The following TNIP3 variants were observed in gnomAD, a reference collection of about 807,000 sequenced individuals.
TNIP3 encodes TNFAIP3 interacting protein 3.
Under a neutral mutation model 54.1 loss-of-function variants are expected in TNIP3, and 34 were observed. The observed-to-expected ratio is 0.63, with a 90% CI of 0.48 to 0.84. TNIP3 has a LOEUF of 0.84. Among genes scored for constraint, TNIP3 ranks in the 40% least tolerant of loss-of-function variants. The pLI, the probability that TNIP3 is intolerant of heterozygous loss-of-function variation, is 0.00. For missense variants in TNIP3, 366 were observed against 387.6 expected, an observed-to-expected ratio of 0.94 and a Z score of 0.47; for synonymous variants, 134 against 136.8, an observed-to-expected ratio of 0.98 and a Z score of 0.14.
In TNIP3 at chr4:121,184,151, A is replaced by G. The variant is rs1724873856; in HGVS notation, c.69-1355T>C. 3.3e-5 allele frequency among the ~76,000 whole-genome samples: 5 copies of G among 152,030 alleles called. 1 individual carries two copies. The highest frequency in any genetic ancestry group is 3.3e-4 in the Admixed American group (5 of 15,256). The stretch of plus-strand genomic sequence containing the variant: ...TTTTTTTTTCTTTCTCTCTCTCTAC[A>G]TATGTATATTTTTTTGCCTGACTCA... On this transcript the variant is annotated intron_variant, in intron 2 of 12. Transcript: ENST00000507879.
chr4:121,165,990 T>C (rs749436238), upstream of TNIP3, among the ~76,000 whole-genome samples: 2 of 152,232 alleles, frequency 1.3e-5, no homozygotes, highest in South Asian at 2.1e-4. Context: ...TAGTTTTATA[T>C]AGTGTAAGGT....
intron 3 of TNIP3, among the ~76,000 whole-genome samples, chr4:121,180,335 G>A (rs1464075248): frequency 6.6e-6 from 1 of 152,136 alleles, no homozygotes; most frequent in Non-Finnish European, 1.5e-5. Context: ...AGGAGGCGCA[G>A]CTTGCAGTGA....
At position 121,157,247 on chromosome 4, in the gene TNIP3, A is replaced by C. The variant is rs1730171210; in HGVS notation, c.214-4T>G. ...GTTTCGTCTTCAGCTCTGCTACCTG[A>C]GGAGGTCGTTCAAAGACAGCTGCAG... On this transcript the variant is annotated splice_region_variant and splice_polypyrimidine_tract_variant and intron_variant, in intron 3 of 10. Coordinates refer to ENST00000057513, the MANE Select transcript of TNIP3 (RefSeq NM_024873.6). 7 of 1,613,988 alleles carry C rather than the reference A, an allele frequency of 4.3e-6. No homozygotes were observed. Among genetic ancestry groups the C allele is most frequent in the Non-Finnish European group, 5.9e-6 (7 of 1,179,992 alleles).
chr4:121,140,076 C>A lies in TNIP3; in HGVS notation c.886-1392G>T, dbSNP rs559055764. ...TCTGGCCAGGCGCAGTGGCTCATGC[C>A]TGTAATCTCAGCACTTTGGGAGGCC... On this transcript the variant is annotated intron_variant, in intron 9 of 10. Transcript: ENST00000057513. 2.0e-5 allele frequency among the ~76,000 whole-genome samples: 3 copies of A among 152,214 alleles called. No individual in the cohort carries two copies. The East Asian group carries it at 5.8e-4, about 29-fold the overall frequency.
intron 2 of TNIP3, among the ~76,000 whole-genome samples, chr4:121,196,876 TG>T (rs765032237): frequency 2.0e-5 from 3 of 152,084 alleles, no homozygotes; most frequent in Non-Finnish European, 4.4e-5. Context: ...AGATACATAC[TG>T]TTTTATATTT....
At chr4:121,141,574 T>C (rs753699820) in intron 9 of TNIP3, among the ~76,000 whole-genome samples, 5 of 152,188 alleles carry the variant, frequency 3.3e-5, no homozygotes, top group Non-Finnish European at 5.9e-5. Flanking sequence ...TTATATGTTG[T>C]TCAAGGAATT....
intron 2 of TNIP3, among the ~76,000 whole-genome samples, chr4:121,185,398 C>T (rs988853369): frequency 3.3e-5 from 5 of 152,214 alleles, no homozygotes; most frequent in African/African-American, 7.2e-5. Flanking sequence ...GATTTCTGAG[C>T]CCCATCACTA....
At chr4:121,184,107 A>C (rs975557348) in intron 2 of TNIP3, among the ~76,000 whole-genome samples, 4 of 151,372 alleles carry the variant, frequency 2.6e-5, no homozygotes, top group Non-Finnish European at 4.4e-5. Context: ...TCACAAGGAA[A>C]AATGCATTAA....
At chr4:121,215,754 T>C (rs1726754558) in intron 2 of TNIP3, among the ~76,000 whole-genome samples, 1 of 151,986 alleles carries the variant, frequency 6.6e-6, no homozygotes, top group Non-Finnish European at 1.5e-5. Flanking sequence ...TCCTACCATA[T>C]ATGATGCTTA....
At chr4:121,205,921 C>T (rs997593322) in intron 2 of TNIP3, among the ~76,000 whole-genome samples, 11 of 152,028 alleles carry the variant, frequency 7.2e-5, no homozygotes, top group African/African-American at 1.9e-4. Context: ...ACAATCATGG[C>T]GGAAGGCGAA....
At chr4:121,161,100 T>C in intron 2 of TNIP3, 36 bp downstream of exon 2, 2 of 1,442,286 alleles carry the variant, frequency 1.4e-6, no homozygotes, top group Non-Finnish European at 1.9e-6. Context: ...CATTAATCCA[T>C]GGCACCTGTG....
At chr4:121,169,733 AC>A (rs1347614148) in intron 3 of TNIP3, among the ~76,000 whole-genome samples, 1 of 152,042 alleles carries the variant, frequency 6.6e-6, no homozygotes, top group Non-Finnish European at 1.5e-5. Flanking sequence ...CTAGTAAATC[AC>A]CTCTCTTTGA....
In TNIP3 at chr4:121,139,402, C is replaced by T. The variant is rs144196895; in HGVS notation, c.886-718G>A. Among the ~76,000 whole-genome samples, 35 of 152,286 alleles carry T rather than the reference C, an allele frequency of 2.3e-4. No individual in the cohort carries two copies. The East Asian group carries it at 6.0e-3, about 26-fold the overall frequency. On this transcript the variant is annotated intron_variant, in intron 9 of 10. Coordinates refer to ENST00000057513, the MANE Select transcript of TNIP3 (RefSeq NM_024873.6). ...CATCAAGATATCTCCAAGGCCAGCA[C>T]CTCTGTATTTAACGCTTAGGAATGG...
At position 121,156,745 on chromosome 4, in the gene TNIP3, T is replaced by TA. The variant is rs549285069; in HGVS notation, c.363+348dup. On this transcript the variant is annotated intron_variant, in intron 4 of 10. Coordinates refer to ENST00000057513, the MANE Select transcript of TNIP3 (RefSeq NM_024873.6). ...GAACACTACTAATAAAAATAATAAA[T>TA]ACGAATAAAAGCAAAAGAAAAAAAA... 3.7e-4 allele frequency among the ~76,000 whole-genome samples: 57 copies of TA among 152,158 alleles called. No homozygotes were observed. In the East Asian group the frequency reaches 7.5e-3, roughly 20 times the overall value.
At chr4:121,205,609 C>T (rs1726137480) in intron 2 of TNIP3, among the ~76,000 whole-genome samples, 1 of 151,726 alleles carries the variant, frequency 6.6e-6, no homozygotes, top group African/African-American at 2.4e-5. Context: ...ATTATGCAGG[C>T]TAGGGATGCT....
Position 121,157,083 on chromosome 4 carries a change from G to GC in TNIP3, c.363+10dup, listed in dbSNP as rs1730149590. 6.2e-7 allele frequency: 1 copy of GC among 1,613,540 alleles called. No individual in the cohort carries two copies. The highest frequency in any genetic ancestry group is 1.7e-5 in the Admixed American group (1 of 59,980). ...GGATCCTCCGGGCTCGAGGACCCGG[G>GC]CCCCGCCCACCTCCTCCCGCTGCAG... On this transcript the variant is annotated intron_variant, in intron 4 of 10. Transcript: ENST00000057513.
chr4:121,193,849 A>G (rs1396042843), intron 2 of TNIP3, among the ~76,000 whole-genome samples: 3 of 152,162 alleles, frequency 2.0e-5, no homozygotes, highest in Non-Finnish European at 4.4e-5. Flanking sequence ...AGATTATACA[A>G]CCTGAATCTA....
intron 1 of TNIP3, among the ~76,000 whole-genome samples, chr4:121,226,852 C>T (rs1473799662): frequency 1.3e-5 from 2 of 152,112 alleles, no homozygotes; most frequent in Admixed American, 6.5e-5. Context: ...ATGTTTTATG[C>T]TCCCCATTGA....
chr4:121,203,216 TATAGATAGATAG>T (rs148903658), intron 2 of TNIP3, among the ~76,000 whole-genome samples: 63 of 147,072 alleles, frequency 4.3e-4, no homozygotes, highest in African/African-American at 7.5e-4. Flanking sequence ...GAAAATGTGA[TATAGATAGATAG>T]ATAGATAGAT....
Sources: gnomAD v4.1 joint callset for allele counts (sites outside exome capture counted in the v4.1 genomes callset) on GRCh38, gnomAD v4.1.1 for gene constraint, MANE v1.5 for transcripts, NCBI Gene and HGNC (gene_info 2026-07-23, HGNC 2026-07-21) for gene names.